The following FERRY3 variants were observed in gnomAD, a reference collection of about 807,000 sequenced individuals.
The protein encoded by FERRY3 is FERRY endosomal RAB5 effector complex subunit 3, also known as protein C12orf4.
the FERRY3 span, chr12:4,491,254 A>G: frequency 2.5e-6 from 4 of 1,599,430 alleles, no homozygotes; most frequent in African/African-American, 2.7e-5. Context: ...GAAACAAAAC[A>G]TAAGATATGT....
At chr12:4,516,093 T>C in the FERRY3 span, among the ~76,000 whole-genome samples, 2 of 152,202 alleles carry the variant, frequency 1.3e-5, no homozygotes. Context: ...ACTGACTTCA[T>C]GCTACTTAAG....
chr12:4,536,058 C>A, the FERRY3 span: 2 of 1,606,522 alleles, frequency 1.2e-6, no homozygotes, highest in Non-Finnish European at 8.5e-7. Flanking sequence ...CAGCATCAGA[C>A]GTCCATGCAA....
chr12:4,525,580 T>C, the FERRY3 span: 10 of 1,606,432 alleles, frequency 6.2e-6, no homozygotes, highest in Non-Finnish European at 8.5e-6. Flanking sequence ...TTTCAATACC[T>C]TGTCTAAAAC....
chr12:4,502,534 C>A, the FERRY3 span: 1 of 386,186 alleles, frequency 2.6e-6, no homozygotes. This position sits in a 1 kb window ranked among gnomAD's most constrained non-coding sequence, Gnocchi z 4.2. Context: ...ATGTTCTTAC[C>A]AATACATACA....
chr12:4,510,203 T>A, the FERRY3 span, among the ~76,000 whole-genome samples: 1 of 144,564 alleles, frequency 6.9e-6, no homozygotes, highest in Non-Finnish European at 1.5e-5. Context: ...GAAAAAAGAA[T>A]AAAAAGAAAT....
chr12:4,515,229 C>G, the FERRY3 span, among the ~76,000 whole-genome samples: 2 of 151,820 alleles, frequency 1.3e-5, no homozygotes, highest in African/African-American at 4.8e-5. Flanking sequence ...AAGAAAGATG[C>G]CATTAACTTT....
the FERRY3 span, among the ~76,000 whole-genome samples, chr12:4,527,520 C>T: frequency 6.6e-6 from 1 of 151,812 alleles, no homozygotes; most frequent in East Asian, 1.9e-4. Context: ...GATGCTGTGC[C>T]GAGAAACTGT....
chr12:4,531,444 A>G, the FERRY3 span, among the ~76,000 whole-genome samples: 1 of 152,230 alleles, frequency 6.6e-6, no homozygotes, highest in Non-Finnish European at 1.5e-5. Flanking sequence ...AAAAATCTGC[A>G]GCATTAATTT....
the FERRY3 span, chr12:4,525,016 G>GT: frequency 1.3e-5 from 5 of 387,452 alleles, no homozygotes; most frequent in African/African-American, 2.1e-5. Context: ...GTATTTAGGT[G>GT]TATGTATCTA....
At chr12:4,533,767 C>G in the FERRY3 span, among the ~76,000 whole-genome samples, 1 of 152,188 alleles carries the variant, frequency 6.6e-6, no homozygotes, top group African/African-American at 2.4e-5. Flanking sequence ...AGAACACTCA[C>G]TTAAATTAGA....
the FERRY3 span, chr12:4,487,839 T>C: frequency 2.0e-5 from 3 of 152,130 alleles, no homozygotes; most frequent in African/African-American, 7.2e-5. Flanking sequence ...CAGCCCAAGG[T>C]ACCTTCTTCA....
At chr12:4,511,363 C>T in the FERRY3 span, among the ~76,000 whole-genome samples, 78 of 152,102 alleles carry the variant, frequency 5.1e-4, no homozygotes, top group South Asian at 1.7e-3. Flanking sequence ...TACGCAGGAA[C>T]TGAACTCAGC....
the FERRY3 span, among the ~76,000 whole-genome samples, chr12:4,490,765 A>G: frequency 2.0e-5 from 3 of 152,180 alleles, no homozygotes; most frequent in African/African-American, 7.2e-5. Flanking sequence ...GCAATTCCTA[A>G]TTCTTCATGC....
the FERRY3 span, among the ~76,000 whole-genome samples, chr12:4,501,342 T>C: frequency 6.6e-6 from 1 of 152,196 alleles, no homozygotes; most frequent in Admixed American, 6.5e-5. Flanking sequence ...ATCTCTCCCC[T>C]ACTTAAAATC....
the FERRY3 span, chr12:4,535,881 T>C: frequency 3.4e-6 from 2 of 596,980 alleles, no homozygotes; most frequent in African/African-American, 1.9e-5. The surrounding 1 kb of genome is among the most constrained non-coding windows in gnomAD (Gnocchi z 4.0). Context: ...AGAAATGTTT[T>C]TATTCTTGGA....
chr12:4,525,460 TAA>T, the FERRY3 span: 2 of 1,605,282 alleles, frequency 1.2e-6, no homozygotes, highest in South Asian at 1.1e-5. Context: ...ACTGCATACC[TAA>T]AAGTCACTGT....
At chr12:4,487,799 A>G in the FERRY3 span, 1 of 152,154 alleles carries the variant, frequency 6.6e-6, no homozygotes, top group South Asian at 2.1e-4. Context: ...TTGGTTGAAC[A>G]GAGTGCCATC....
At chr12:4,530,238 GGAGA>G in the FERRY3 span, among the ~76,000 whole-genome samples, 3 of 152,098 alleles carry the variant, frequency 2.0e-5, no homozygotes, top group South Asian at 6.2e-4. Flanking sequence ...AAAAAAATGT[GGAGA>G]GATACAGACT....
chr12:4,513,256 G>A, the FERRY3 span, among the ~76,000 whole-genome samples: 1 of 143,996 alleles, frequency 6.9e-6, no homozygotes, highest in Non-Finnish European at 1.5e-5. Flanking sequence ...ACAAACAAAT[G>A]GAAGAACATT....
Sources: allele counts gnomAD v4.1 joint callset (sites outside exome capture counted in the v4.1 genomes callset), GRCh38; gene constraint gnomAD v4.1.1; non-coding constraint Gnocchi (gnomAD v3.1); transcripts MANE v1.5; gene names NCBI Gene and HGNC (gene_info 2026-07-23, HGNC 2026-07-21).